The following RPL26 variants were observed in gnomAD, a reference collection of about 807,000 sequenced individuals.
The protein encoded by RPL26 is large ribosomal subunit protein uL24.
A neutral mutation model predicts 16.2 loss-of-function variants in RPL26; 1 was observed. The observed-to-expected ratio is 0.06, with a 90% CI of 0.02 to 0.29. The LOEUF is 0.29. Ranked by LOEUF, RPL26 falls within the 10% of genes least tolerant of loss-of-function variation. The pLI is 1.00. For missense variants in RPL26, 102 were observed against 184.3 expected, an observed-to-expected ratio of 0.55 and a Z score of 2.58; for synonymous variants, 55 against 62.4, an observed-to-expected ratio of 0.88 and a Z score of 0.56.
chr17:8,381,266 T>A (rs1468056609), intron 2 of RPL26: 1 of 152,214 alleles, frequency 6.6e-6, no homozygotes, highest in Non-Finnish European at 1.5e-5. Context: ...GAGAATGATT[T>A]GAGTAGTTAA....
At chr17:8,378,149 G>A (rs904522697) in intron 3 of RPL26, among the ~76,000 whole-genome samples, 5 of 152,126 alleles carry the variant, frequency 3.3e-5, no homozygotes, top group Non-Finnish European at 7.3e-5. Context: ...TGGCCAACAC[G>A]GTGAAACCCC....
At chr17:8,382,744 AG>A (rs1907483827) in intron 1 of RPL26, 2 of 316,958 alleles carry the variant, frequency 6.3e-6, no homozygotes, top group Non-Finnish European at 1.1e-5. Context: ...GAATACGTAT[AG>A]CCCCGCCAAA....
At chr17:8,382,623 T>A in intron 1 of RPL26, 1 of 355,860 alleles carries the variant, frequency 2.8e-6, no homozygotes, top group Non-Finnish European at 5.1e-6. Context: ...CCTGAGGAAA[T>A]CAAGACTGGA....
intron 2 of RPL26, 193 bp from the exon 3 acceptor site, chr17:8,380,129 A>C: frequency 1.8e-6 from 1 of 568,074 alleles, no homozygotes; most frequent in Admixed American, 3.4e-5. Flanking sequence ...CAACAGACCA[A>C]GAGTATTTAA....
chr17:8,382,914 G>A (rs1049646010), intron 1 of RPL26: 1 of 397,106 alleles, frequency 2.5e-6, no homozygotes, highest in Admixed American at 4.4e-5. Context: ...CCAGACTCCA[G>A]TCTATTTCCA....
At chr17:8,378,509 AC>A (rs1222584376) in intron 3 of RPL26, among the ~76,000 whole-genome samples, 2 of 148,648 alleles carry the variant, frequency 1.3e-5, no homozygotes, top group East Asian at 3.9e-4. Context: ...AAAAAACCCC[AC>A]CCCCAAACAG....
rs113570434 is a variant in RPL26, at chr17:8,381,955, T to A, written c.168+188A>T. 5.6e-3 allele frequency: 2,824 copies of A among 504,648 alleles called. 71 individuals carry two copies. Among genetic ancestry groups the A allele is most frequent in the African/African-American group, 0.046 (2,220 of 48,564 alleles). 31.3% of individuals were successfully genotyped at this position (504,648 alleles called of 1,614,324 possible). A position where few individuals can be genotyped will look rare whatever the true frequency, so the allele number is the denominator to read the frequency against. ...TCAAAAAAAAAAAAAAAAAAGATTTTCACCAAATAATACAATTAAAAACTG... is the reference window on the plus strand; with the variant it reads ...TCAAAAAAAAAAAAAAAAAAGATTTACACCAAATAATACAATTAAAAACTG... On this transcript the variant is annotated intron_variant, in intron 2 of 3. Coordinates refer to ENST00000648839, the MANE Select transcript of RPL26 (RefSeq NM_000987.5).
chr17:8,379,583 A>G (rs1907318802), intron 3 of RPL26: 2 of 586,902 alleles, frequency 3.4e-6, no homozygotes, highest in East Asian at 2.8e-5. Context: ...AAAACAAACT[A>G]ACAGAAACAT....
Sources: allele counts gnomAD v4.1 joint callset (sites outside exome capture counted in the v4.1 genomes callset), GRCh38; gene constraint gnomAD v4.1.1; transcripts MANE v1.5; gene names NCBI Gene and HGNC (gene_info 2026-07-23, HGNC 2026-07-21).